Variants in RBL2 observed in about 807,000 individuals in gnomAD.
The protein encoded by RBL2 is RB transcriptional corepressor like 2.
Under a neutral mutation model 126.0 loss-of-function variants are expected in RBL2, and 56 were observed. The observed-to-expected ratio is 0.44, with a 90% CI of 0.36 to 0.56. RBL2 has a LOEUF of 0.56. Ranked by LOEUF, RBL2 falls within the 20% of genes least tolerant of loss-of-function variation. The probability of loss-of-function intolerance (pLI) is 0.00; values close to 1 mark genes in which losing one functional copy is unlikely to be tolerated. For missense variants in RBL2, 1,229 were observed against 1,398.2 expected (o/e 0.88, Z 1.93); for synonymous variants, 454 against 478.5 (o/e 0.95, Z 0.67).
chr16:53,477,272 G>T (rs576683272), intron 17 of RBL2, among the ~76,000 whole-genome samples: 3 of 152,290 alleles, frequency 2.0e-5, no homozygotes, highest in Non-Finnish European at 4.4e-5. Flanking sequence ...TAGCAGAAAG[G>T]AAAGGAGTGT....
chr16:53,439,050 A>G lies in RBL2; in HGVS notation c.275A>G (p.Tyr92Cys). The G allele has an allele frequency of 6.2e-7, 1 of 1,606,604 alleles. No individual in the cohort carries two copies. Among genetic ancestry groups the G allele is most frequent in the Non-Finnish European group, 8.5e-7 (1 of 1,176,482 alleles). ...NDLHWLACAL[Y>C]VACRKSVPTV... ...CTTCATTGGTTAGCATGTGCCTTAT[A>G]TGTGGCTTGCAGAAAATCTGTTCCA... The change falls in exon 2 of 22, where the codon TAT becomes TGT. Residue 92 changes from tyrosine to cysteine, a missense_variant. By Grantham distance (194) the Tyr-to-Cys change is radical. This residue lies in a region of RBL2 where 1,070 missense variants were observed against 1,274.3 expected (regional missense o/e 0.84). Coordinates refer to ENST00000262133, the MANE Select transcript of RBL2 (RefSeq NM_005611.4).
intron 11 of RBL2, among the ~76,000 whole-genome samples, chr16:53,463,960 T>C (rs897366538): frequency 1.3e-5 from 2 of 152,176 alleles, no homozygotes; most frequent in African/African-American, 2.4e-5. Flanking sequence ...GTGTGTGTAT[T>C]TTGGTTAGAG....
chr16:53,436,270 C>T (rs1199272145), intron 1 of RBL2, among the ~76,000 whole-genome samples: 1 of 152,038 alleles, frequency 6.6e-6, no homozygotes, highest in Non-Finnish European at 1.5e-5. Flanking sequence ...CAAGCATTAT[C>T]GCCATTTATT....
intron 21 of RBL2, among the ~76,000 whole-genome samples, chr16:53,483,532 CCTGT>C (rs1468783028): frequency 6.6e-6 from 1 of 151,858 alleles, no homozygotes; most frequent in African/African-American, 2.4e-5. Flanking sequence ...AGTGAGAAAC[CCTGT>C]CTGTTTGGAA....
intron 21 of RBL2, among the ~76,000 whole-genome samples, chr16:53,485,123 T>C (rs13337544): frequency 0.48 from 72,465 of 151,882 alleles, 17,998 homozygotes; most frequent in Middle Eastern, 0.61. Flanking sequence ...TAGAACACTC[T>C]CTAACAAATC....
chr16:53,459,674 C>T, intron 9 of RBL2, 57 bp downstream of exon 9: 2 of 1,433,564 alleles, frequency 1.4e-6, no homozygotes, highest in Non-Finnish European at 1.9e-6. Flanking sequence ...TTTCCAATTT[C>T]CTATTCTTTC....
At chr16:53,444,077 C>T (rs1005650415) in intron 3 of RBL2, among the ~76,000 whole-genome samples, 14 of 151,928 alleles carry the variant, frequency 9.2e-5, no homozygotes, top group Non-Finnish European at 1.6e-4. Flanking sequence ...GGCAAAACCC[C>T]GTCTCTACTA....
intron 21 of RBL2, among the ~76,000 whole-genome samples, chr16:53,483,802 C>T (rs1338368256): frequency 3.3e-5 from 5 of 150,360 alleles, no homozygotes; most frequent in East Asian, 2.0e-4. Flanking sequence ...GCTTGAATCC[C>T]GGAGGCAAAG....
At chr16:53,444,547 C>T (rs556923939) in intron 3 of RBL2, among the ~76,000 whole-genome samples, 89 of 146,434 alleles carry the variant, frequency 6.1e-4, no homozygotes, top group Admixed American at 1.0e-3. Context: ...AGCGAGACTC[C>T]ATTTTAATAA....
intron 2 of RBL2, among the ~76,000 whole-genome samples, chr16:53,441,274 G>A (rs2058013290): frequency 6.6e-6 from 1 of 151,990 alleles, no homozygotes; most frequent in African/African-American, 2.4e-5. Flanking sequence ...ACTCTATATT[G>A]CTGGTGTACA....
chr16:53,439,184 A>G (rs1261236489), intron 2 of RBL2, 38 bp downstream of exon 2: 26 of 1,491,976 alleles, frequency 1.7e-5, no homozygotes, highest in Non-Finnish European at 2.1e-5. Flanking sequence ...AGTATGGCTA[A>G]TGTAAGCTCA....
At chr16:53,464,441 TA>T (rs2058252557) in intron 12 of RBL2, 78 bp downstream of exon 12, 1 of 1,225,736 alleles carries the variant, frequency 8.2e-7, no homozygotes, top group African/African-American at 1.5e-5. Flanking sequence ...TAGTTCAAGT[TA>T]ACATCTAAGA....
chr16:53,454,847 GT>G lies in RBL2; in HGVS notation c.1179+8del. The G allele has an allele frequency of 6.2e-7, 1 of 1,601,050 alleles. No homozygotes were observed. Among genetic ancestry groups the G allele is most frequent in the African/African-American group, 1.3e-5 (1 of 74,748 alleles). On this transcript the variant is annotated splice_donor_region_variant and intron_variant, in intron 8 of 21. Transcript: ENST00000262133. Reference sequence around the variant, plus strand: ...TTACAGCAGCATTTTGACAAGGTGAGTTTAGCCATGCCAGAAGAGTAGAAAT... The same window carrying G: ...TTACAGCAGCATTTTGACAAGGTGAGTTAGCCATGCCAGAAGAGTAGAAAT...
chr16:53,466,494 C>T lies in RBL2; in HGVS notation c.1864-564C>T, dbSNP rs185886882. Among the ~76,000 whole-genome samples the T allele has an allele frequency of 2.0e-5, 3 of 151,812 alleles. No homozygotes were observed. The East Asian group carries it at 5.8e-4, about 29-fold the overall frequency. ...CAGTGGGAGCCCTGAGCTTGTTTTC[C>T]TGCAACTAGATGGTCCCATCTGGGG... On this transcript the variant is annotated intron_variant, in intron 13 of 21. Transcript: ENST00000262133.
intron 13 of RBL2, chr16:53,466,698 A>G (rs2058275639): frequency 5.0e-6 from 1 of 201,946 alleles, no homozygotes; most frequent in African/African-American, 2.4e-5. Context: ...GCAGCTTTAA[A>G]TACAGATGAA....
intron 19 of RBL2, chr16:53,480,243 G>T (rs1039802813): frequency 2.1e-5 from 11 of 529,748 alleles, no homozygotes; most frequent in Non-Finnish European, 3.0e-5. Flanking sequence ...TTCCAGAAAG[G>T]TCTGATATGT....
At chr16:53,449,434 T>C (rs2058092210) in intron 4 of RBL2, 1 of 152,088 alleles carries the variant, frequency 6.6e-6, no homozygotes, top group South Asian at 2.1e-4. Flanking sequence ...AATTCCACCT[T>C]AAGAACCTTT....
At chr16:53,454,430 C>A in intron 7 of RBL2, 1 of 461,322 alleles carries the variant, frequency 2.2e-6, no homozygotes, top group South Asian at 2.1e-5. Flanking sequence ...GTCTCAAACT[C>A]CTGACTTCGT....
At position 53,470,627 on chromosome 16, in the gene RBL2, C is replaced by T; in HGVS notation, c.2490C>T (p.Pro830=). The T allele has an allele frequency of 1.2e-6, 2 of 1,614,208 alleles. No homozygotes were observed. The highest frequency in any genetic ancestry group is 1.7e-6 in the Non-Finnish European group (2 of 1,180,032). ...GQSVTSSSNR[P]RKTSSLSLFF... ...CTGTAACCAGCAGTAGTAATAGACC[C>T]AGGAAGACCAGCTCTTTATCGCTTT... Residue 830 remains proline (P), a synonymous_variant, in exon 16 of 22, where the codon CCC becomes CCT. Coordinates refer to ENST00000262133, the MANE Select transcript of RBL2 (RefSeq NM_005611.4).
Sources: allele counts gnomAD v4.1 joint callset (sites outside exome capture counted in the v4.1 genomes callset), GRCh38; gene constraint gnomAD v4.1.1; regional missense constraint gnomAD v4.1.1; transcripts MANE v1.5; gene names NCBI Gene and HGNC (gene_info 2026-07-23, HGNC 2026-07-21).